CRYBG3: variants seen among roughly 807,000 people sequenced by gnomAD.
CRYBG3 encodes crystallin beta-gamma domain containing 3, also known as very large A-kinase anchor protein.
In CRYBG3, 127 loss-of-function variants were observed where a neutral mutation model predicts 244.2. The ratio of observed to expected loss-of-function variants is 0.52; its 90% confidence interval spans 0.45 to 0.60. CRYBG3 has a LOEUF of 0.60. Ranked by LOEUF, CRYBG3 falls within the 20% of genes least tolerant of loss-of-function variation. CRYBG3 has a pLI of 0.00. For missense variants in CRYBG3, 3,325 were observed against 3,442.5 expected (o/e 0.97, Z 0.85); for synonymous variants, 1,132 against 1,195.8 (o/e 0.95, Z 1.10).
intron 1 of CRYBG3, among the ~76,000 whole-genome samples, chr3:97,825,460 G>A (rs1275152742): frequency 3.3e-5 from 5 of 152,182 alleles, no homozygotes; most frequent in South Asian, 2.1e-4. Flanking sequence ...TACTTGCAAC[G>A]TATCATGTAA....
At chr3:97,868,283 C>CAAA (rs11429773) in intron 3 of CRYBG3, among the ~76,000 whole-genome samples, 3 of 117,012 alleles carry the variant, frequency 2.6e-5, no homozygotes, top group Admixed American at 8.6e-5. Context: ...GACTCCATCT[C>CAAA]AAAAAAAAAA....
In CRYBG3 at chr3:97,873,628, A is replaced by G; in HGVS notation, c.2434A>G (p.Ile812Val). ...SLSLEAKTAN[I>V]VSKAEIDGQN... ...TTCCTTGGAAGCCAAAACTGCTAAC[A>G]TTGTATCAAAAGCTGAAATTGATGG... is the stretch of plus-strand genomic sequence containing the variant. Residue 812 changes from isoleucine to valine, a missense_variant, in exon 4 of 22, where the codon ATT (isoleucine) becomes GTT (valine). This residue lies in a region of CRYBG3 where 1,526 missense variants were observed against 1,443.2 expected (regional missense o/e 1.06). Transcript: ENST00000389622. 1 of 1,534,640 alleles carries G rather than the reference A, an allele frequency of 6.5e-7. No homozygotes were observed.
intron 17 of CRYBG3, among the ~76,000 whole-genome samples, chr3:97,930,990 T>A (rs2040091325): frequency 6.6e-6 from 1 of 151,982 alleles, no homozygotes; most frequent in Non-Finnish European, 1.5e-5. Context: ...GGATTGTACC[T>A]CTCCCTCCTT....
chr3:97,872,221 A>T lies in CRYBG3; in HGVS notation c.1027A>T (p.Arg343Ter). 1 of 1,535,846 alleles carries T rather than the reference A, an allele frequency of 6.5e-7. No individual in the cohort carries two copies. Among genetic ancestry groups the T allele is most frequent in the Non-Finnish European group, 8.7e-7 (1 of 1,146,718 alleles). ...LNKNAWGSIE[R>*]NRSSPSSVTN... ...TAAAAATGCTTGGGGGAGTATTGAG[A>T]GAAATAGGTCATCCCCTTCTTCTGT... The change falls in exon 4 of 22, where the codon AGA (arginine) becomes TGA (stop). Residue 343 changes from arginine to a stop codon, truncating the protein, a stop_gained. Coordinates refer to ENST00000389622, the MANE Select transcript of CRYBG3 (RefSeq NM_153605.4). LOFTEE classifies it high-confidence loss of function.
chr3:97,904,653 GCTTTT>G (rs1367426102), intron 15 of CRYBG3, among the ~76,000 whole-genome samples: 2 of 150,014 alleles, frequency 1.3e-5, no homozygotes, highest in African/African-American at 4.9e-5. Context: ...TTCTCATGCG[GCTTTT>G]CTTTTATTTT....
intron 17 of CRYBG3, among the ~76,000 whole-genome samples, chr3:97,931,582 G>T (rs539224107): frequency 6.6e-6 from 1 of 152,140 alleles, no homozygotes; most frequent in Non-Finnish European, 1.5e-5. Flanking sequence ...AGATCAAAAG[G>T]TCCAGTATAT....
chr3:97,822,172 T>C lies in CRYBG3; in HGVS notation c.-35T>C, dbSNP rs1439082754. The C allele has an allele frequency of 1.3e-6, 2 of 1,489,022 alleles. No individual in the cohort carries two copies. The highest frequency in any genetic ancestry group is 2.8e-5 in the African/African-American group (2 of 71,296). 92.2% of individuals were successfully genotyped at this position (1,489,022 alleles called of 1,614,324 possible). On this transcript the variant is annotated 5_prime_UTR_variant, in exon 1 of 22. Coordinates refer to ENST00000389622, the MANE Select transcript of CRYBG3 (RefSeq NM_153605.4). The stretch of plus-strand genomic sequence containing the variant: ...ACCAGGCAACACCTAGGCCGTTCCC[T>C]TCAGACAGCCCCGGGCCAGCGGCCC...
At chr3:97,931,698 C>T (rs900187689) in intron 17 of CRYBG3, among the ~76,000 whole-genome samples, 4 of 152,068 alleles carry the variant, frequency 2.6e-5, no homozygotes, top group African/African-American at 9.7e-5. Flanking sequence ...ACCAGCATGT[C>T]CCAAGCCATG....
intron 1 of CRYBG3, among the ~76,000 whole-genome samples, chr3:97,834,713 TA>T (rs1303640232): frequency 6.6e-6 from 1 of 152,144 alleles, no homozygotes; most frequent in African/African-American, 2.4e-5. Flanking sequence ...AGTAGGCAAA[TA>T]AAAAATTTTT....
Position 97,875,916 on chromosome 3 carries a change from T to C in CRYBG3, c.4722T>C (p.His1574=). 8.1e-7 allele frequency: 1 copy of C among 1,232,014 alleles called. No individual in the cohort carries two copies. Among genetic ancestry groups the C allele is most frequent in the Non-Finnish European group, 1.0e-6 (1 of 987,916 alleles). The allele number at this position is 1,232,014 out of a possible 1,614,324, so 76.3% of individuals were successfully genotyped here. Reference sequence around the variant, plus strand: ...CTATGATAGAAATGGGAAGAATACATAAAATGGATGCTGAATTGAATGTCA... The same window carrying C: ...CTATGATAGAAATGGGAAGAATACACAAAATGGATGCTGAATTGAATGTCA... ...VPPMIEMGRI[H]KMDAELNVTK... is the part of the protein sequence containing the mutation. Residue 1574 remains histidine (H), a synonymous_variant, in exon 4 of 22, where the codon CAT becomes CAC. Coordinates refer to ENST00000389622, the MANE Select transcript of CRYBG3 (RefSeq NM_153605.4).
chr3:97,884,152 A>G (rs548275366), intron 7 of CRYBG3, among the ~76,000 whole-genome samples: 156 of 152,316 alleles, frequency 1.0e-3, no homozygotes, highest in African/African-American at 3.3e-3. Flanking sequence ...AATAGCATAC[A>G]AAAGAGCCTT....
intron 2 of CRYBG3, among the ~76,000 whole-genome samples, chr3:97,861,430 T>C (rs1471229131): frequency 1.3e-5 from 2 of 152,150 alleles, no homozygotes; most frequent in Non-Finnish European, 2.9e-5. Context: ...CTCAGCTAAA[T>C]CTTATTAATC....
chr3:97,941,302 C>T lies in CRYBG3; in HGVS notation c.8660C>T (p.Ser2887Phe). The change falls in exon 20 of 22, where the codon TCC (serine) becomes TTC (phenylalanine). Residue 2887 changes from serine to phenylalanine, a missense_variant. Transcript: ENST00000389622. ...IWYYCRGLFK[S>F]KASDTCLDVI... ...TACTACTGCCGAGGACTCTTTAAAT[C>T]CAAGGTAAGCAATCCCACTGATACA... 1.2e-6 allele frequency: 2 copies of T among 1,604,362 alleles called. No individual in the cohort carries two copies. The highest frequency in any genetic ancestry group is 8.5e-7 in the Non-Finnish European group (1 of 1,174,420).
At chr3:97,937,332 C>G (rs1156728314) in intron 19 of CRYBG3, among the ~76,000 whole-genome samples, 1 of 152,048 alleles carries the variant, frequency 6.6e-6, no homozygotes, top group Non-Finnish European at 1.5e-5. Flanking sequence ...GTCTTCTGTT[C>G]AAAAGCTTCC....
intron 17 of CRYBG3, among the ~76,000 whole-genome samples, chr3:97,916,090 T>C (rs1575963554): frequency 1.3e-5 from 2 of 152,144 alleles, no homozygotes; most frequent in Admixed American, 6.6e-5. Flanking sequence ...TACAAGGCCA[T>C]TGGGATATTA....
chr3:97,900,596 A>G (rs2039696047), intron 15 of CRYBG3, 111 bp downstream of exon 15: 1 of 686,816 alleles, frequency 1.5e-6, no homozygotes, highest in Non-Finnish European at 2.6e-6. Flanking sequence ...TCTCTCTGGC[A>G]GAGCAGATTA....
intron 17 of CRYBG3, among the ~76,000 whole-genome samples, chr3:97,932,715 T>A (rs1204689539): frequency 6.6e-6 from 1 of 152,084 alleles, no homozygotes; most frequent in Admixed American, 6.6e-5. Context: ...AGCAGTGCAA[T>A]GCACCATAAC....
chr3:97,890,275 G>C (rs1446302991), intron 10 of CRYBG3, among the ~76,000 whole-genome samples: 3 of 152,166 alleles, frequency 2.0e-5, no homozygotes, highest in Non-Finnish European at 4.4e-5. Flanking sequence ...ATTAGTTTGG[G>C]CCGTGGTCAA....
Position 97,899,279 on chromosome 3 carries a change from A to G in CRYBG3, c.7971+16A>G. 3 of 1,607,508 alleles carry G rather than the reference A, an allele frequency of 1.9e-6. No homozygotes were observed. Among genetic ancestry groups the G allele is most frequent in the Non-Finnish European group, 2.5e-6 (3 of 1,178,012 alleles). On this transcript the variant is annotated intron_variant, in intron 14 of 21. Transcript: ENST00000389622. ...AATCCAACTGGTGAGTGAAGTATGA[A>G]CATAGCCAGTGCTGCATCATGTAAT...
Sources: gnomAD v4.1 joint callset for allele counts (sites outside exome capture counted in the v4.1 genomes callset) on GRCh38, gnomAD v4.1.1 for gene constraint, gnomAD v4.1.1 regional missense constraint, MANE v1.5 for transcripts, NCBI Gene and HGNC (gene_info 2026-07-23, HGNC 2026-07-21) for gene names.